Variants in SEC16A observed in about 807,000 individuals in gnomAD.
SEC16A encodes the protein protein transport protein Sec16A.
Under a neutral mutation model 221.9 loss-of-function variants are expected in SEC16A, and 110 were observed. The ratio of observed to expected loss-of-function variants is 0.50; its 90% CI spans 0.42 to 0.58. SEC16A has a LOEUF of 0.58. Ranked by LOEUF, SEC16A falls within the 20% of genes least tolerant of loss-of-function variation. The pLI is 0.00. For missense variants in SEC16A, 3,165 were observed against 3,097.8 expected, an observed-to-expected ratio of 1.02 and a Z score of -0.52; for synonymous variants, 1,393 against 1,257.7, an observed-to-expected ratio of 1.11 and a Z score of -2.28.
chr9:136,457,675 G>T, intron 17 of SEC16A, 91 bp from the exon 18 acceptor site: 1 of 1,437,976 alleles, frequency 7.0e-7, no homozygotes, highest in Non-Finnish European at 9.4e-7. Context: ...AGGCTCCCCT[G>T]CATCCGAGCA....
At chr9:136,446,779 G>A in intron 28 of SEC16A, 76 bp downstream of exon 28, 1 of 1,445,236 alleles carries the variant, frequency 6.9e-7, no homozygotes, top group Non-Finnish European at 9.4e-7. Context: ...CTTGCAGAAG[G>A]CAAGGCCCTG....
chr9:136,476,725 A>C lies in SEC16A; in HGVS notation c.891T>G (p.Asp297Glu). 1 of 1,600,752 alleles carries C rather than the reference A, an allele frequency of 6.2e-7. No homozygotes were observed. The highest frequency in any genetic ancestry group is 8.5e-7 in the Non-Finnish European group (1 of 1,171,928). The part of the protein sequence containing the change: ...QSGSHLANNS[D>E]PESTFRQNPR... Reference sequence around the variant, plus strand: ...GATTTTGCCTGAATGTACTTTCAGGATCAGAGTTATTGGCCAGGTGGCTTC... The same window carrying C: ...GATTTTGCCTGAATGTACTTTCAGGCTCAGAGTTATTGGCCAGGTGGCTTC... Residue 297 changes from aspartate to glutamate, a missense_variant, in exon 3 of 32, where the codon GAT becomes GAG. Transcript: ENST00000684901.
Position 136,459,316 on chromosome 9 carries a change from C to A in SEC16A, c.5304-77G>T, listed in dbSNP as rs1839151162. 6.8e-7 allele frequency: 1 copy of A among 1,469,134 alleles called. No individual in the cohort carries two copies. The highest frequency in any genetic ancestry group is 1.4e-5 in the African/African-American group (1 of 72,080). The allele number at this position is 1,469,134 out of a possible 1,614,324, so 91.0% of individuals were successfully genotyped here. The stretch of plus-strand genomic sequence containing the variant: ...ATAGTCAACCTTGGAGCAAATCATC[C>A]AGAAGTGTGTCCCACCACGTGACAA... On this transcript the variant is annotated intron_variant, in intron 16 of 31. Transcript: ENST00000684901. The surrounding 1 kb of genome is among the most constrained non-coding windows in gnomAD (Gnocchi z 6.1).
chr9:136,465,656 G>A (rs1173936609), intron 8 of SEC16A, among the ~76,000 whole-genome samples: 5 of 152,220 alleles, frequency 3.3e-5, no homozygotes, highest in Non-Finnish European at 5.9e-5. Context: ...GCTGAGCCAC[G>A]GGGTCTGCGA....
Position 136,444,879 on chromosome 9 carries a change from CAAAAA to C in SEC16A, c.6927+168_6927+172del, listed in dbSNP as rs757568383. ...GGGCAACAAGAGCGAAACTCCGTCT[CAAAAA>C]AAAAAAAAAAAAAAAAAGGAACCCT... On this transcript the variant is annotated intron_variant, in intron 30 of 31. Coordinates refer to ENST00000684901, the MANE Select transcript of SEC16A (RefSeq NM_014866.2). Among the ~76,000 whole-genome samples the C allele has an allele frequency of 3.0e-4, 20 of 65,630 alleles. No homozygotes were observed. The South Asian group carries it at 8.9e-3, about 29-fold the overall frequency. 43.1% of individuals were successfully genotyped at this position (65,630 alleles called of 152,430 possible).
At chr9:136,458,015 G>A (rs182832286) in intron 17 of SEC16A, among the ~76,000 whole-genome samples, 2 of 152,036 alleles carry the variant, frequency 1.3e-5, no homozygotes, top group Admixed American at 1.3e-4. Context: ...GGAGTGCAGT[G>A]GCACAATCAC....
intron 3 of SEC16A, among the ~76,000 whole-genome samples, chr9:136,472,531 G>C (rs542254317): frequency 6.6e-6 from 1 of 152,324 alleles, no homozygotes; most frequent in African/African-American, 2.4e-5. Context: ...AACAACCCCT[G>C]CGTCCCGCTT....
intron 4 of SEC16A, 70 bp downstream of exon 4, chr9:136,471,905 C>CT (rs1187759541): frequency 4.5e-6 from 7 of 1,557,202 alleles, no homozygotes; most frequent in Non-Finnish European, 6.1e-6. Flanking sequence ...ACTAAGTTAT[C>CT]CCCATAGCAA....
chr9:136,473,548 G>A lies in SEC16A; in HGVS notation c.3567+501C>T, dbSNP rs73670285. On this transcript the variant is annotated intron_variant, in intron 3 of 31. Transcript: ENST00000684901. ...TGCTGACAGCAGCTTGCGGGACTCC[G>A]CCTCGCTTAGCTGATGCGTGTGGCT... 2.4e-3 allele frequency among the ~76,000 whole-genome samples: 373 copies of A among 152,370 alleles called. 2 individuals carry two copies. Among genetic ancestry groups the A allele is most frequent in the African/African-American group, 8.5e-3 (355 of 41,580 alleles).
At chr9:136,451,750 G>C (rs556227676) in intron 22 of SEC16A, among the ~76,000 whole-genome samples, 4 of 152,212 alleles carry the variant, frequency 2.6e-5, no homozygotes, top group African/African-American at 7.2e-5. Context: ...CTGGCCAGAG[G>C]GGGGCGATGG....
Position 136,459,304 on chromosome 9 carries a change from G to C in SEC16A, c.5304-65C>G. 1 of 1,513,668 alleles carries C rather than the reference G, an allele frequency of 6.6e-7. No homozygotes were observed. The highest frequency in any genetic ancestry group is 9.1e-7 in the Non-Finnish European group (1 of 1,093,786). The allele number at this position is 1,513,668 out of a possible 1,614,324, so 93.8% of individuals were successfully genotyped here. A position where few individuals can be genotyped will look rare whatever the true frequency, so the allele number is the denominator to read the frequency against. ...CCAATTATTGGCATAGTCAACCTTGGAGCAAATCATCCAGAAGTGTGTCCC... is the reference window on the plus strand; with the variant it reads ...CCAATTATTGGCATAGTCAACCTTGCAGCAAATCATCCAGAAGTGTGTCCC... On this transcript the variant is annotated intron_variant, in intron 16 of 31. Coordinates refer to ENST00000684901, the MANE Select transcript of SEC16A (RefSeq NM_014866.2). This position sits in a 1 kb window ranked among gnomAD's most constrained non-coding sequence, Gnocchi z 6.1.
chr9:136,445,885 G>A (rs1382442389), intron 28 of SEC16A, among the ~76,000 whole-genome samples, 166 bp from the exon 29 acceptor site: 3 of 152,168 alleles, frequency 2.0e-5, no homozygotes, highest in East Asian at 1.9e-4. Flanking sequence ...GGGTCCAGCC[G>A]CACAACCCTG....
chr9:136,468,559 A>G, intron 4 of SEC16A, 47 bp from the exon 5 acceptor site: 2 of 1,203,128 alleles, frequency 1.7e-6, no homozygotes, highest in Non-Finnish European at 2.5e-6. Flanking sequence ...CCTATTTCTT[A>G]AAGTGTGACA....
In SEC16A at chr9:136,459,452, G is replaced by A. The variant is rs754813391; in HGVS notation, c.5295C>T (p.Ser1765=). 3.1e-6 allele frequency: 5 copies of A among 1,601,638 alleles called. No individual in the cohort carries two copies. The highest frequency in any genetic ancestry group is 1.7e-5 in the Admixed American group (1 of 57,936). The part of the protein sequence containing the change: ...KKTTKLVLIG[S]NHSLPFLKFA... ...CTGACTTGGTTCTTTACCTGTGATT[G>A]GATCCGATTAAGACAAGCTTTGTAG... Residue 1765 remains serine, a synonymous_variant, in exon 16 of 32, where the codon TCC becomes TCT. Coordinates refer to ENST00000684901, the MANE Select transcript of SEC16A (RefSeq NM_014866.2). The surrounding 1 kb of genome is among the most constrained non-coding windows in gnomAD (Gnocchi z 6.1).
intron 4 of SEC16A, among the ~76,000 whole-genome samples, chr9:136,469,538 C>T (rs1163829046): frequency 1.3e-5 from 2 of 152,182 alleles, no homozygotes; most frequent in African/African-American, 4.8e-5. Flanking sequence ...GTGGCACACA[C>T]CTGTAGTCCC....
At chr9:136,452,304 A>C (rs926327055) in intron 22 of SEC16A, among the ~76,000 whole-genome samples, 4 of 150,402 alleles carry the variant, frequency 2.7e-5, no homozygotes, top group Admixed American at 2.7e-4. Flanking sequence ...AAAAAAAATG[A>C]GCTGGGTGTG....
In SEC16A at chr9:136,476,351, C is replaced by T. The variant is rs372517754; in HGVS notation, c.1265G>A (p.Ser422Asn). The T allele has an allele frequency of 2.5e-6, 4 of 1,611,498 alleles. No individual in the cohort carries two copies. Among genetic ancestry groups the T allele is most frequent in the Non-Finnish European group, 3.4e-6 (4 of 1,179,652 alleles). ...PPAPTHVGAGSLCQALLPGPS... is the reference protein window; with the variant it reads ...PPAPTHVGAGNLCQALLPGPS... ...GCCTGGGAGAAGGGCCTGGCAGAGG[C>T]TGCCTGCCCCCACGTGTGTAGGTGC... Residue 422 changes from serine to asparagine, a missense_variant, in exon 3 of 32, where the codon AGC (serine) becomes AAC (asparagine). Ser to Asn is a conservative substitution (Grantham distance 46, BLOSUM62 1). This residue lies in a region of SEC16A where 2,030 missense variants were observed against 1,923.1 expected (regional missense o/e 1.06). Transcript: ENST00000684901.
At position 136,451,386 on chromosome 9, in the gene SEC16A, T is replaced by C. The variant is rs558511058; in HGVS notation, c.6182A>G (p.Asp2061Gly). ...ANLTPSRTVP[D>G]SEAPPGWDRA... ...ATCCCACCCTGGGGGGGCCTCCGAG[T>C]CTGGCACCGTCCTCGAGGGGGTCTG... The change falls in exon 23 of 32, where the codon GAC (aspartate) becomes GGC (glycine). Residue 2061 changes from aspartate to glycine, a missense_variant. Physicochemically the swap from Asp to Gly is moderately conservative, Grantham distance 94 (BLOSUM62 -1). This residue lies in a region of SEC16A where 1,088 missense variants were observed against 1,089.6 expected (regional missense o/e 1.00). Transcript: ENST00000684901. 3.0e-5 allele frequency: 48 copies of C among 1,610,408 alleles called. 1 individual carries two copies. The African/African-American group carries it at 5.5e-4, about 18-fold the overall frequency.
At chr9:136,443,766 G>A (rs1836541840) in intron 31 of SEC16A, 57 bp downstream of exon 31, 2 of 1,262,578 alleles carry the variant, frequency 1.6e-6, no homozygotes, top group Admixed American at 3.6e-5. Context: ...TGAGCAGCAG[G>A]GTCAGGTCGT....
Sources: gnomAD v4.1 joint callset for allele counts (sites outside exome capture counted in the v4.1 genomes callset) on GRCh38, gnomAD v4.1.1 for gene constraint, gnomAD v4.1.1 regional missense constraint, Gnocchi (gnomAD v3.1) non-coding constraint, MANE v1.5 for transcripts, NCBI Gene and HGNC (gene_info 2026-07-23, HGNC 2026-07-21) for gene names.